RPS6KA2: variants seen among roughly 807,000 people sequenced by gnomAD.
RPS6KA2 encodes the protein ribosomal protein S6 kinase alpha-2.
A neutral mutation model predicts 91.8 loss-of-function variants in RPS6KA2; 42 were observed. The ratio of observed to expected loss-of-function variants is 0.46; its 90% CI spans 0.36 to 0.59. The LOEUF is 0.59. Among genes scored for constraint, RPS6KA2 ranks in the 20% least tolerant of loss-of-function variants. The pLI, the probability that RPS6KA2 is intolerant of heterozygous loss-of-function variation, is 0.00. For synonymous variants in RPS6KA2, 414 were observed against 393.6 expected, an observed-to-expected ratio of 1.05 and a Z score of -0.61; for missense variants, 798 against 978.5, an observed-to-expected ratio of 0.82 and a Z score of 2.46.
At chr6:166,632,611 CAAA>C (rs34051695) in intron 2 of RPS6KA2, among the ~76,000 whole-genome samples, 14 of 119,434 alleles carry the variant, frequency 1.2e-4, no homozygotes, top group Non-Finnish European at 1.8e-4. Flanking sequence ...AACTCCATCT[CAAA>C]AAAAAAAAAA....
At chr6:166,756,394 AT>A (rs1227867531) in intron 2 of RPS6KA2, among the ~76,000 whole-genome samples, 1 of 152,256 alleles carries the variant, frequency 6.6e-6, no homozygotes, top group East Asian at 1.9e-4. Flanking sequence ...AGAACACTGT[AT>A]TTCATATTTT....
At chr6:166,550,809 T>A (rs549777661) in intron 1 of RPS6KA2, among the ~76,000 whole-genome samples, 5 of 152,092 alleles carry the variant, frequency 3.3e-5, no homozygotes, top group African/African-American at 9.6e-5. Flanking sequence ...GACACCATCC[T>A]GGCTAACACG....
intron 10 of RPS6KA2, among the ~76,000 whole-genome samples, chr6:166,478,595 C>T (rs188460476): frequency 2.6e-5 from 4 of 152,320 alleles, no homozygotes; most frequent in Non-Finnish European, 5.9e-5. Flanking sequence ...TCTCACAAAA[C>T]GATGGTTTTC....
At chr6:166,628,085 C>A (rs1786963318), upstream of RPS6KA2, 1 of 152,398 alleles carries the variant, frequency 6.6e-6, no homozygotes, top group African/African-American at 2.4e-5. Context: ...GAAACGTCTA[C>A]ACAGATGGCT....
At chr6:166,832,634 G>A (rs1389577681) in intron 2 of RPS6KA2, among the ~76,000 whole-genome samples, 5 of 152,132 alleles carry the variant, frequency 3.3e-5, no homozygotes, top group Non-Finnish European at 7.3e-5. Flanking sequence ...ATGCTGGGAG[G>A]TCGCAGTGCC....
intron 2 of RPS6KA2, among the ~76,000 whole-genome samples, chr6:166,857,502 C>T (rs1408198470): frequency 1.3e-5 from 2 of 152,144 alleles, no homozygotes; most frequent in Non-Finnish European, 2.9e-5. Flanking sequence ...ACCAAAATCT[C>T]CCCTGAGAAC....
chr6:166,858,445 AGATG>A (rs1780966469), intron 1 of RPS6KA2, among the ~76,000 whole-genome samples: 1 of 152,232 alleles, frequency 6.6e-6, no homozygotes. Flanking sequence ...TTCATGTCCG[AGATG>A]GATCCTTTAT....
chr6:166,445,556 T>C lies in RPS6KA2; in HGVS notation c.1332+3168A>G, dbSNP rs561467855. ...GAAAAACCAGAAAGTCTCCAGACAT[T>C]GCCAGTGTCCCCTGGGGGCCACAGT... On this transcript the variant is annotated intron_variant, in intron 14 of 20. Transcript: ENST00000265678. This position sits in a 1 kb window ranked among gnomAD's most constrained non-coding sequence, Gnocchi z 4.5. Among the ~76,000 whole-genome samples the C allele has an allele frequency of 6.6e-6, 1 of 152,334 alleles. No individual in the cohort carries two copies. The highest frequency in any genetic ancestry group is 1.5e-5 in the Non-Finnish European group (1 of 68,032).
chr6:166,420,948 T>C (rs1403870092), intron 17 of RPS6KA2, among the ~76,000 whole-genome samples: 2 of 152,196 alleles, frequency 1.3e-5, no homozygotes, highest in African/African-American at 4.8e-5. Context: ...TAGCATTAAA[T>C]ATCGAGTCGG....
intron 2 of RPS6KA2, among the ~76,000 whole-genome samples, chr6:166,850,212 T>C (rs1030076617): frequency 3.0e-4 from 44 of 147,378 alleles, no homozygotes; most frequent in African/African-American, 9.0e-4. Context: ...GGATTTTTTT[T>C]CCCCATTTTA....
At chr6:166,743,447 C>T (rs1790876467) in intron 2 of RPS6KA2, among the ~76,000 whole-genome samples, 1 of 152,218 alleles carries the variant, frequency 6.6e-6, no homozygotes, top group Non-Finnish European at 1.5e-5. Context: ...CACATCACGG[C>T]TTTTAATGAG....
In RPS6KA2 at chr6:166,437,555, C is replaced by T. The variant is rs985179716; in HGVS notation, c.1333-5065G>A. The stretch of plus-strand genomic sequence containing the variant: ...CCTACAACCTCCAGAGAAGGGCATT[C>T]TCCAGGGGTTGGCCACCCACCACAG... On this transcript the variant is annotated intron_variant, in intron 14 of 20. Transcript: ENST00000265678. The surrounding 1 kb of genome is among the most constrained non-coding windows in gnomAD (Gnocchi z 4.3). Among the ~76,000 whole-genome samples the T allele has an allele frequency of 6.6e-6, 1 of 152,222 alleles. No individual in the cohort carries two copies. The highest frequency in any genetic ancestry group is 1.5e-5 in the Non-Finnish European group (1 of 68,038).
In RPS6KA2 at chr6:166,441,630, T is replaced by G. The variant is rs372415020; in HGVS notation, c.1332+7094A>C. Among the ~76,000 whole-genome samples the G allele has an allele frequency of 3.5e-4, 53 of 152,350 alleles. No individual in the cohort carries two copies. In the East Asian group the frequency reaches 4.4e-3, roughly 13 times the overall value. ...GAGTGAACTTGAACACAAGCTCCCCTGAGTCCTCTCCTTCTCCGGCCCCGT... is the reference window on the plus strand; with the variant it reads ...GAGTGAACTTGAACACAAGCTCCCCGGAGTCCTCTCCTTCTCCGGCCCCGT... On this transcript the variant is annotated intron_variant, in intron 14 of 20. Coordinates refer to ENST00000265678, the MANE Select transcript of RPS6KA2 (RefSeq NM_021135.6).
chr6:166,621,386 G>A (rs145752782), intron 1 of RPS6KA2, among the ~76,000 whole-genome samples: 196 of 152,254 alleles, frequency 1.3e-3, no homozygotes, highest in Non-Finnish European at 2.1e-3. Context: ...GGCTTCTCAC[G>A]CAGCTGCAAG....
intron 12 of RPS6KA2, 79 bp from the exon 13 acceptor site, chr6:166,451,312 G>A: frequency 1.3e-6 from 2 of 1,512,594 alleles, no homozygotes; most frequent in Non-Finnish European, 1.8e-6. Flanking sequence ...GTGTGTGCAT[G>A]TGGTATGTGT....
At chr6:166,522,935 AT>A (rs1452242696) in intron 3 of RPS6KA2, among the ~76,000 whole-genome samples, 1 of 152,182 alleles carries the variant, frequency 6.6e-6, no homozygotes, top group Non-Finnish European at 1.5e-5. Flanking sequence ...ATACTCAAGT[AT>A]TTTTTAAAAG....
rs1781729487 is a variant in RPS6KA2, at chr6:166,494,845, G to A, written c.747+3663C>T. Among the ~76,000 whole-genome samples, 1 of 152,188 alleles carries A rather than the reference G, an allele frequency of 6.6e-6. No homozygotes were observed. Among genetic ancestry groups the A allele is most frequent in the South Asian group, 2.1e-4 (1 of 4,828 alleles). On this transcript the variant is annotated intron_variant, in intron 8 of 20. Transcript: ENST00000265678. This position sits in a 1 kb window ranked among gnomAD's most constrained non-coding sequence, Gnocchi z 5.1. The stretch of plus-strand genomic sequence containing the variant: ...CACATGAGGACCACTCCCTCAGCAC[G>A]CGGCCTCCAGGGTCTCAGCCTTCTT...
At chr6:166,561,735 T>C (rs1562580730) in intron 1 of RPS6KA2, among the ~76,000 whole-genome samples, 2 of 152,224 alleles carry the variant, frequency 1.3e-5, no homozygotes, top group South Asian at 4.1e-4. Flanking sequence ...TCCAATCTTT[T>C]GGCTTTCCTG....
At chr6:166,440,279 G>A (rs1583137530) in intron 14 of RPS6KA2, 1 of 152,312 alleles carries the variant, frequency 6.6e-6, no homozygotes, top group East Asian at 1.9e-4. Flanking sequence ...ACCCGGTAGT[G>A]GGCAGAAGGC....
Sources: gnomAD v4.1 joint callset for allele counts (sites outside exome capture counted in the v4.1 genomes callset) on GRCh38, gnomAD v4.1.1 for gene constraint, Gnocchi (gnomAD v3.1) non-coding constraint, MANE v1.5 for transcripts, NCBI Gene and HGNC (gene_info 2026-07-23, HGNC 2026-07-21) for gene names.